CACNB2: variants seen among roughly 807,000 people sequenced by gnomAD.
CACNB2 encodes the protein voltage-dependent L-type calcium channel subunit beta-2.
CACNB2 carries 42 observed loss-of-function variants against 73.3 expected under a neutral mutation model. The observed-to-expected ratio is 0.57, with a 90% CI of 0.45 to 0.74. CACNB2 has a LOEUF of 0.74. Among genes scored for constraint, CACNB2 ranks in the 30% least tolerant of loss-of-function variants. The pLI, the probability that CACNB2 is intolerant of heterozygous loss-of-function variation, is 0.00. For synonymous variants in CACNB2, 348 were observed against 310.3 expected (o/e 1.12, Z -1.28); for missense variants, 940 against 853.0 (o/e 1.10, Z -1.27).
intron 2 of CACNB2, among the ~76,000 whole-genome samples, chr10:18,210,332 T>A (rs1050084301): frequency 6.6e-6 from 1 of 152,206 alleles, no homozygotes; most frequent in Non-Finnish European, 1.5e-5. Context: ...GGTATACATA[T>A]AACAATTTTA....
At chr10:18,192,846 G>C (rs73593797) in intron 2 of CACNB2, among the ~76,000 whole-genome samples, 2,442 of 152,198 alleles carry the variant, frequency 0.016, 57 homozygotes, top group African/African-American at 0.052. Flanking sequence ...ATATTTTATA[G>C]TATTATCATC....
chr10:18,492,153 T>C (rs964926641), intron 3 of CACNB2, among the ~76,000 whole-genome samples: 82 of 152,076 alleles, frequency 5.4e-4, no homozygotes, highest in African/African-American at 1.4e-3. Flanking sequence ...GACAACCAGA[T>C]CTTATGAGAA....
intron 1 of CACNB2, among the ~76,000 whole-genome samples, chr10:18,141,785 C>T (rs1472657822): frequency 6.6e-6 from 1 of 152,204 alleles, no homozygotes. Context: ...CTTCAGACTC[C>T]TAGCTGCGGG....
intron 3 of CACNB2, among the ~76,000 whole-genome samples, chr10:18,457,375 C>T (rs2047338111): frequency 6.6e-6 from 1 of 152,042 alleles, no homozygotes; most frequent in African/African-American, 2.4e-5. Context: ...CAGGCATGAG[C>T]CACCACACTT....
At chr10:18,508,588 A>G (rs546488259) in intron 6 of CACNB2, among the ~76,000 whole-genome samples, 1 of 152,332 alleles carries the variant, frequency 6.6e-6, no homozygotes, top group South Asian at 2.1e-4. Flanking sequence ...TCTATATACC[A>G]GAAAAATTCT....
chr10:18,298,785 C>T (rs546105620), intron 2 of CACNB2, among the ~76,000 whole-genome samples: 4 of 152,248 alleles, frequency 2.6e-5, no homozygotes, highest in African/African-American at 9.6e-5. Context: ...TGGATAATCC[C>T]TCATTTAAAG....
At chr10:18,454,440 A>G (rs1057017771) in intron 3 of CACNB2, among the ~76,000 whole-genome samples, 18 of 152,180 alleles carry the variant, frequency 1.2e-4, no homozygotes, top group Admixed American at 2.0e-4. Flanking sequence ...AGACATGTCT[A>G]TACCACCGTG....
rs1015484256 is a variant in CACNB2, at chr10:18,453,128, A to G, written c.334-45227A>G. Among the ~76,000 whole-genome samples the G allele has an allele frequency of 1.1e-4, 16 of 152,258 alleles. No homozygotes were observed. In the East Asian group the frequency reaches 1.4e-3, roughly 13 times the overall value. On this transcript the variant is annotated intron_variant, in intron 3 of 13. Transcript: ENST00000324631. Reference sequence around the variant, plus strand: ...CCAAGCCATGTTTTGTCTCCCTGGAACTATTAATATTAGAACAGCCTTTTG... The same window carrying G: ...CCAAGCCATGTTTTGTCTCCCTGGAGCTATTAATATTAGAACAGCCTTTTG...
intron 3 of CACNB2, among the ~76,000 whole-genome samples, chr10:18,414,983 A>T (rs2044859987): frequency 6.6e-6 from 1 of 152,212 alleles, no homozygotes; most frequent in African/African-American, 2.4e-5. Context: ...GATGTTGAAA[A>T]CTGTGGAAAA....
intron 2 of CACNB2, among the ~76,000 whole-genome samples, chr10:18,355,748 G>C (rs1282093885): frequency 6.6e-6 from 1 of 151,190 alleles, no homozygotes; most frequent in Non-Finnish European, 1.5e-5. Context: ...GCAATTCTCT[G>C]CCTCAGCCTC....
intron 1 of CACNB2, among the ~76,000 whole-genome samples, chr10:18,148,725 T>G (rs1260420276): frequency 1.3e-5 from 2 of 152,186 alleles, no homozygotes; most frequent in Non-Finnish European, 2.9e-5. Flanking sequence ...CTGGACATGG[T>G]AGCTCACTCC....
At chr10:18,470,021 A>C (rs905624254) in intron 3 of CACNB2, among the ~76,000 whole-genome samples, 4 of 152,208 alleles carry the variant, frequency 2.6e-5, no homozygotes, top group African/African-American at 9.6e-5. Flanking sequence ...TCATGCTATA[A>C]ATCCACTTTG....
At chr10:18,196,975 C>T (rs1439668598) in intron 2 of CACNB2, among the ~76,000 whole-genome samples, 1 of 151,926 alleles carries the variant, frequency 6.6e-6, no homozygotes, top group Non-Finnish European at 1.5e-5. Flanking sequence ...TTTCTCCTCT[C>T]CCCTCCTCTC....
intron 6 of CACNB2, chr10:18,513,667 T>C (rs535438880): frequency 1.4e-5 from 3 of 220,394 alleles, no homozygotes; most frequent in Non-Finnish European, 2.7e-5. Context: ...TAGTCTAAAA[T>C]AAACATAAAC....
At chr10:18,479,408 T>C (rs2048604924) in intron 3 of CACNB2, among the ~76,000 whole-genome samples, 1 of 152,128 alleles carries the variant, frequency 6.6e-6, no homozygotes, top group Admixed American at 6.5e-5. Context: ...AGATGACTTT[T>C]GAGAACCATA....
chr10:18,415,813 A>G (rs1425575257), intron 3 of CACNB2, among the ~76,000 whole-genome samples: 1 of 152,192 alleles, frequency 6.6e-6, no homozygotes, highest in Non-Finnish European at 1.5e-5. Flanking sequence ...GAAGTATTTC[A>G]CACTGTTGTG....
In CACNB2 at chr10:18,542,886, T is replaced by G. The variant is rs1451969066; in HGVS notation, c.*3162T>G. 9 of 151,184 alleles carry G rather than the reference T, an allele frequency of 6.0e-5. No individual in the cohort carries two copies. Among genetic ancestry groups the G allele is most frequent in the Non-Finnish European group, 1.3e-4 (9 of 67,706 alleles). 9.4% of individuals were successfully genotyped at this position (151,184 alleles called of 1,614,324 possible). ...GCTGGAAATGTATTTAATAGTTTTT[T>G]TTTTTTTTTTTTTTGGTCATATCCA... On this transcript the variant is annotated 3_prime_UTR_variant, in exon 14 of 14. Transcript: ENST00000324631.
At chr10:18,249,060 C>A (rs1426462106) in intron 2 of CACNB2, among the ~76,000 whole-genome samples, 1 of 152,180 alleles carries the variant, frequency 6.6e-6, no homozygotes, top group East Asian at 1.9e-4. Context: ...TTCACACCTT[C>A]CTTGTACTTA....
At chr10:18,491,264 C>G (rs1479195840) in intron 3 of CACNB2, among the ~76,000 whole-genome samples, 2 of 152,188 alleles carry the variant, frequency 1.3e-5, no homozygotes, top group East Asian at 3.9e-4. Context: ...AACCATGCCC[C>G]AGGGCCATGA....
Sources: allele counts gnomAD v4.1 joint callset (sites outside exome capture counted in the v4.1 genomes callset), GRCh38; gene constraint gnomAD v4.1.1; transcripts MANE v1.5; gene names NCBI Gene and HGNC (gene_info 2026-07-23, HGNC 2026-07-21).